The following MED16 variants were observed in gnomAD, a reference collection of about 807,000 sequenced individuals.
The protein encoded by MED16 is mediator of RNA polymerase II transcription subunit 16.
In MED16, 81 loss-of-function variants were observed where a neutral mutation model predicts 84.4. That is an observed-to-expected ratio of 0.96 (90% CI 0.80 to 1.15). MED16 has a LOEUF of 1.15. Among genes scored for constraint, MED16 ranks in the 50% most tolerant of loss-of-function variants. The probability of loss-of-function intolerance (pLI) is 0.00; values close to 1 mark genes in which losing one functional copy is unlikely to be tolerated. For synonymous variants in MED16, 897 were observed against 552.2 expected, an observed-to-expected ratio of 1.62 and a Z score of -8.76; for missense variants, 1,585 against 1,245.9, an observed-to-expected ratio of 1.27 and a Z score of -4.10.
chr19:873,294 C>G (rs868718203), intron 11 of MED16, among the ~76,000 whole-genome samples, 155 bp downstream of exon 11: 3 of 27,588 alleles, frequency 1.1e-4, no homozygotes, highest in African/African-American at 4.2e-4. Flanking sequence ...CAAGCAGGGG[C>G]GGGACTCCAA....
Position 873,447 on chromosome 19 carries a change from A to C in MED16, c.1905+2T>G. Reference sequence around the variant, plus strand: ...GGGGCCTTAGGGGAGAGCATGGCGCACCTGGTTGGGTAGGCTGGCCAGCAG... The same window carrying C: ...GGGGCCTTAGGGGAGAGCATGGCGCCCCTGGTTGGGTAGGCTGGCCAGCAG... On this transcript the variant is annotated splice_donor_variant, in intron 11 of 15. Coordinates refer to ENST00000325464, the MANE Select transcript of MED16 (RefSeq NM_005481.3). LOFTEE classifies it high-confidence loss of function. 1 of 1,607,060 alleles carries C rather than the reference A, an allele frequency of 6.2e-7. No individual in the cohort carries two copies. The highest frequency in any genetic ancestry group is 1.1e-5 in the South Asian group (1 of 91,038).
chr19:890,665 C>T (rs917612295), intron 2 of MED16, among the ~76,000 whole-genome samples: 1 of 152,214 alleles, frequency 6.6e-6, no homozygotes, highest in African/African-American at 2.4e-5. Context: ...GTGACACACA[C>T]CGTCTAGAAA....
chr19:878,246 A>AC (rs754689610), intron 8 of MED16, among the ~76,000 whole-genome samples: 1 of 53,266 alleles, frequency 1.9e-5, no homozygotes. Flanking sequence ...CCCCAGCCCC[A>AC]GCCCCAGCCC....
intron 5 of MED16, 80 bp from the exon 6 acceptor site, chr19:885,088 C>T: frequency 9.1e-7 from 1 of 1,102,460 alleles, no homozygotes; most frequent in South Asian, 1.3e-5. Flanking sequence ...GCTGCGGGAC[C>T]CTGGGGCCAC....
In MED16 at chr19:874,275, G is replaced by T. The variant is rs1386866854; in HGVS notation, c.1772-693C>A. Among the ~76,000 whole-genome samples the T allele has an allele frequency of 2.0e-5, 3 of 152,066 alleles. No homozygotes were observed. The South Asian group carries it at 6.2e-4, about 31-fold the overall frequency. On this transcript the variant is annotated intron_variant, in intron 10 of 15. Coordinates refer to ENST00000325464, the MANE Select transcript of MED16 (RefSeq NM_005481.3). ...ACTACAGGCGCCCGCCACCACGCCCGGCTGATTTTTGTATTTTTAGTAGAG... is the reference window on the plus strand; with the variant it reads ...ACTACAGGCGCCCGCCACCACGCCCTGCTGATTTTTGTATTTTTAGTAGAG...
chr19:869,409 T>TC (rs1202949886), intron 13 of MED16, among the ~76,000 whole-genome samples: 2 of 137,422 alleles, frequency 1.5e-5, no homozygotes, highest in African/African-American at 5.3e-5. Flanking sequence ...AAAGCTGCCC[T>TC]CGGTGGTGGG....
intron 1 of MED16, 88 bp downstream of exon 1, chr19:892,993 GGCCCC>G (rs2036674144): frequency 1.3e-5 from 2 of 152,146 alleles, no homozygotes; most frequent in Admixed American, 1.3e-4. Flanking sequence ...CGACCCCGCA[GGCCCC>G]GCCACGGCTG....
rs527765477 is a variant in MED16, at chr19:886,046, C to G, written c.603G>C (p.Thr201=). The part of the protein sequence containing the change: ...SLLKPSGQVL[T]STESLCRLRG... The stretch of plus-strand genomic sequence containing the variant: ...GCAGCCGGCACAGGCTCTCGGTGGA[C>G]GTCAGCACCTGCCCGCTGGGCTTCA... The change falls in exon 5 of 16, where the codon ACG becomes ACC. Residue 201 remains threonine (T), a synonymous_variant. Coordinates refer to ENST00000325464, the MANE Select transcript of MED16 (RefSeq NM_005481.3). The G allele has an allele frequency of 6.3e-7, 1 of 1,597,062 alleles. No individual in the cohort carries two copies. Among genetic ancestry groups the G allele is most frequent in the South Asian group, 1.1e-5 (1 of 90,656 alleles).
At chr19:882,833 C>G (rs532214346) in intron 6 of MED16, among the ~76,000 whole-genome samples, 1 of 152,220 alleles carries the variant, frequency 6.6e-6, no homozygotes, top group Non-Finnish European at 1.5e-5. Context: ...GTCTCTGCCC[C>G]GGACGGGCCA....
At chr19:891,210 G>C (rs2036625165) in intron 1 of MED16, 61 bp from the exon 2 acceptor site, 4 of 1,498,560 alleles carry the variant, frequency 2.7e-6, no homozygotes, top group African/African-American at 2.8e-5. Flanking sequence ...CATGTGGAGT[G>C]CCAGGCCAGA....
Position 868,487 on chromosome 19 carries a change from G to T in MED16, c.2412C>A (p.Val804=). The change falls in exon 15 of 16, where the codon GTC becomes GTA. Residue 804 remains valine (V), a synonymous_variant. Coordinates refer to ENST00000325464, the MANE Select transcript of MED16 (RefSeq NM_005481.3). ...ECKACTRCGC[V]TMLKSPNRTT... ...TTCTGTTGGGCGACTTGAGCATGGT[G>T]ACACAGCCGCACCTGCGGGGAGGCA... The T allele has an allele frequency of 6.2e-7, 1 of 1,610,664 alleles. No homozygotes were observed.
chr19:883,470 T>C (rs1599337921), intron 6 of MED16, among the ~76,000 whole-genome samples: 1 of 121,194 alleles, frequency 8.3e-6, no homozygotes, highest in South Asian at 2.7e-4. Flanking sequence ...GACCAAAGCC[T>C]GGCATGGTGG....
At chr19:885,107 G>A (rs1304798551) in intron 5 of MED16, 99 bp from the exon 6 acceptor site, 3 of 884,704 alleles carry the variant, frequency 3.4e-6, no homozygotes, top group Non-Finnish European at 5.3e-6. Flanking sequence ...ACGCACTGCT[G>A]GGCCTGTCTC....
chr19:875,494 A>G, intron 9 of MED16, 40 bp from the exon 10 acceptor site: 2 of 1,515,298 alleles, frequency 1.3e-6, no homozygotes, highest in Non-Finnish European at 1.8e-6. Context: ...GGGCCGGAGC[A>G]GAGGCGCCCG....
chr19:871,249 G>A lies in MED16; in HGVS notation c.2103C>T (p.Arg701=), dbSNP rs369632896. The change falls in exon 13 of 16, where the codon CGC becomes CGT. Residue 701 remains arginine (R), a synonymous_variant. Coordinates refer to ENST00000325464, the MANE Select transcript of MED16 (RefSeq NM_005481.3). ...CCGGCTCGCTCGCTGGGCCCTCATCGCGACCTGCGGAGAGAGGTGGCGGAA... is the reference window on the plus strand; with the variant it reads ...CCGGCTCGCTCGCTGGGCCCTCATCACGACCTGCGGAGAGAGGTGGCGGAA... ...RLLTKLWICC[R]DEGPASEPDE... 2.6e-5 allele frequency: 40 copies of A among 1,535,478 alleles called. No individual in the cohort carries two copies. The highest frequency in any genetic ancestry group is 1.7e-4 in the Middle Eastern group (1 of 5,908).
At position 868,077 on chromosome 19, in the gene MED16, A is replaced by C. The variant is rs765556744; in HGVS notation, c.*24T>G. The C allele has an allele frequency of 3.2e-6, 5 of 1,585,338 alleles. No homozygotes were observed. The highest frequency in any genetic ancestry group is 4.3e-6 in the Non-Finnish European group (5 of 1,170,326). The stretch of plus-strand genomic sequence containing the variant: ...GGAGACGCCCGAGCCGGGTCACCAC[A>C]AGGTCCGCCTGGACCCCCGGCCGTC... On this transcript the variant is annotated 3_prime_UTR_variant, in exon 16 of 16. Transcript: ENST00000325464.
chr19:888,021 G>A (rs1301532506), intron 4 of MED16, among the ~76,000 whole-genome samples: 1 of 151,830 alleles, frequency 6.6e-6, no homozygotes, highest in African/African-American at 2.4e-5. Context: ...TGACCAACAT[G>A]GAGAAACCCG....
chr19:872,085 GC>G lies in MED16; in HGVS notation c.1938del (p.Arg647GlyfsTer12). Reference sequence around the variant, plus strand: ...AGCATGCCCAGCGAGGTGCCGTCCCGCAGAAAGCTGTGGCCCGGCCTCAGCA... The same window carrying G: ...AGCATGCCCAGCGAGGTGCCGTCCCGAGAAAGCTGTGGCCCGGCCTCAGCA... ...GSLLRPGHSF[L>X]RDGTSLGMLR... is the part of the protein sequence containing the mutation. On this transcript the variant is annotated frameshift_variant, in exon 12 of 16. Transcript: ENST00000325464. LOFTEE classifies it high-confidence loss of function. 1 of 1,608,470 alleles carries G rather than the reference GC, an allele frequency of 6.2e-7. No homozygotes were observed. The highest frequency in any genetic ancestry group is 8.5e-7 in the Non-Finnish European group (1 of 1,177,700).
chr19:869,572 G>A (rs1403731166), intron 13 of MED16, among the ~76,000 whole-genome samples: 3 of 152,134 alleles, frequency 2.0e-5, no homozygotes, highest in Admixed American at 1.3e-4. Context: ...GACTCATTAG[G>A]AGGCCCCTCC....
Sources: allele counts gnomAD v4.1 joint callset (sites outside exome capture counted in the v4.1 genomes callset), GRCh38; gene constraint gnomAD v4.1.1; transcripts MANE v1.5; gene names NCBI Gene and HGNC (gene_info 2026-07-23, HGNC 2026-07-21).